Variants in GALNT18 observed in about 807,000 individuals in gnomAD.
GALNT18 encodes polypeptide N-acetylgalactosaminyltransferase 18, also known as GalNAc-transferase 18.
GALNT18 carries 44 observed loss-of-function variants against 69.5 expected under a neutral mutation model. The observed-to-expected ratio is 0.63, with a 90% confidence interval of 0.50 to 0.81. The LOEUF (loss-of-function observed/expected upper bound fraction) is 0.81. Ranked by LOEUF, GALNT18 falls within the 40% of genes least tolerant of loss-of-function variation. The pLI is 0.00. For missense variants in GALNT18, 715 were observed against 810.0 expected (o/e 0.88, Z 1.42); for synonymous variants, 364 against 318.2 (o/e 1.14, Z -1.53).
intron 1 of GALNT18, among the ~76,000 whole-genome samples, chr11:11,451,173 C>T (rs1249641325): frequency 6.6e-6 from 1 of 152,102 alleles, no homozygotes; most frequent in African/African-American, 2.4e-5. Flanking sequence ...CATTCTTCTC[C>T]CCTACTAGGC....
At chr11:11,610,569 G>T (rs887222339) in intron 1 of GALNT18, among the ~76,000 whole-genome samples, 1 of 151,764 alleles carries the variant, frequency 6.6e-6, no homozygotes, top group African/African-American at 2.4e-5. Flanking sequence ...TTGATTGATT[G>T]ATCTCTTCTA....
chr11:11,288,016 A>G (rs960972428), intron 10 of GALNT18, among the ~76,000 whole-genome samples: 18 of 152,168 alleles, frequency 1.2e-4, no homozygotes, highest in Admixed American at 9.2e-4. Context: ...TTCCCGGGAC[A>G]ATGAAACAGT....
chr11:11,570,940 G>A (rs961057357), intron 1 of GALNT18, among the ~76,000 whole-genome samples: 2 of 152,180 alleles, frequency 1.3e-5, no homozygotes, highest in African/African-American at 4.8e-5. Flanking sequence ...AAAGACATGA[G>A]GTATTAGTAA....
chr11:11,497,370 A>ACACACACACACACACACACC lies in GALNT18; in HGVS notation c.236-48435_236-48434insGGTGTGTGTGTGTGTGTGTG, dbSNP rs1388394076. On this transcript the variant is annotated intron_variant, in intron 1 of 10. Transcript: ENST00000227756. The surrounding 1 kb of genome is among the most constrained non-coding windows in gnomAD (Gnocchi z 4.2). ...CACACACACACACACACACACACAC[A>ACACACACACACACACACACC]CCCCTTAGAATGGGGCTCCTTAAGA... Among the ~76,000 whole-genome samples, 26 of 134,714 alleles carry ACACACACACACACACACACC rather than the reference A, an allele frequency of 1.9e-4. No homozygotes were observed. Among genetic ancestry groups the ACACACACACACACACACACC allele is most frequent in the Admixed American group, 3.8e-4 (5 of 13,280 alleles). 88.4% of individuals were successfully genotyped at this position (134,714 alleles called of 152,430 possible). A position where few individuals can be genotyped will look rare whatever the true frequency, so the allele number is the denominator to read the frequency against.
chr11:11,352,549 G>T, intron 6 of GALNT18: 3 of 1,614,046 alleles, frequency 1.9e-6, no homozygotes, highest in Non-Finnish European at 2.5e-6. Context: ...GAAGCAACTC[G>T]GACATTATAT....
chr11:11,552,622 A>G (rs2133971169), intron 1 of GALNT18, among the ~76,000 whole-genome samples: 1 of 152,314 alleles, frequency 6.6e-6, no homozygotes, highest in East Asian at 1.9e-4. Flanking sequence ...AAAGCATTTC[A>G]GGGTCAGCCT....
intron 1 of GALNT18, among the ~76,000 whole-genome samples, chr11:11,529,365 G>A (rs1417663901): frequency 6.6e-6 from 1 of 152,202 alleles, no homozygotes; most frequent in Non-Finnish European, 1.5e-5. Flanking sequence ...CTGTGAATGA[G>A]TGAACCCCTC....
intron 7 of GALNT18, among the ~76,000 whole-genome samples, chr11:11,334,030 T>A (rs7125431): frequency 0.2 from 29,898 of 151,160 alleles, 3,146 homozygotes; most frequent in Admixed American, 0.31. Flanking sequence ...CAGCCCAGAG[T>A]GGAGGGCAGA....
chr11:11,352,590 C>A, intron 6 of GALNT18: 3 of 1,614,174 alleles, frequency 1.9e-6, no homozygotes, highest in East Asian at 2.2e-5. Flanking sequence ...CTCAGCCAAA[C>A]CCCAGTCTAT....
chr11:11,352,877 T>G (rs750012977), intron 6 of GALNT18: 1 of 1,614,220 alleles, frequency 6.2e-7, no homozygotes, highest in Non-Finnish European at 8.5e-7. Context: ...AAATCTTTAT[T>G]TCACGCTTAA....
In GALNT18 at chr11:11,527,314, C is replaced by T. The variant is rs73407846; in HGVS notation, c.236-78378G>A. Among the ~76,000 whole-genome samples, 1,290 of 152,282 alleles carry T rather than the reference C, an allele frequency of 8.5e-3. 20 individuals are homozygous for T. Among genetic ancestry groups the T allele is most frequent in the African/African-American group, 0.029 (1,222 of 41,550 alleles). On this transcript the variant is annotated intron_variant, in intron 1 of 10. Transcript: ENST00000227756. ...CTAAGACACTTTTTTGATCAAATGT[C>T]CCCATGGTCTGCTGTTGGATTGGGG... is the stretch of plus-strand genomic sequence containing the variant.
Position 11,524,164 on chromosome 11 carries a change from T to C in GALNT18, c.236-75228A>G, listed in dbSNP as rs373258091. On this transcript the variant is annotated intron_variant, in intron 1 of 10. Coordinates refer to ENST00000227756, the MANE Select transcript of GALNT18 (RefSeq NM_198516.3). ...GCCTGTTCTGATCAGCCTCTCTTCC[T>C]ACCAAGACTCAAAAAGTAGGGAATT... Among the ~76,000 whole-genome samples the C allele has an allele frequency of 7.2e-5, 11 of 152,270 alleles. No homozygotes were observed. In the East Asian group the frequency reaches 1.5e-3, roughly 21 times the overall value.
At chr11:11,512,575 C>T (rs1237074331) in intron 1 of GALNT18, among the ~76,000 whole-genome samples, 1 of 152,176 alleles carries the variant, frequency 6.6e-6, no homozygotes, top group Non-Finnish European at 1.5e-5. Flanking sequence ...TCTTTCTGAG[C>T]CCAGTGCTGT....
chr11:11,442,069 C>T (rs113063871), intron 2 of GALNT18, among the ~76,000 whole-genome samples: 7 of 152,296 alleles, frequency 4.6e-5, no homozygotes, highest in African/African-American at 1.2e-4. Context: ...ACACAGTTCT[C>T]GCTGGGCTGG....
chr11:11,437,965 T>A (rs1190957803), intron 2 of GALNT18, among the ~76,000 whole-genome samples: 1 of 152,140 alleles, frequency 6.6e-6, no homozygotes, highest in African/African-American at 2.4e-5. Flanking sequence ...CTGGTCCTGC[T>A]TTCTCCCCAG....
chr11:11,297,732 C>G (rs562509482), intron 9 of GALNT18, among the ~76,000 whole-genome samples: 1 of 152,190 alleles, frequency 6.6e-6, no homozygotes, highest in Non-Finnish European at 1.5e-5. Flanking sequence ...TGCCTGTGGA[C>G]GTCTTACAAA....
intron 6 of GALNT18, among the ~76,000 whole-genome samples, chr11:11,361,514 TTATCTATCTTTC>T (rs11268127): frequency 0.5 from 75,635 of 151,768 alleles, 19,845 homozygotes; most frequent in African/African-American, 0.6. Context: ...GTCATAAAGT[TTATCTATCTTTC>T]TATCTATCTT....
chr11:11,437,875 T>C (rs889187102), intron 2 of GALNT18, among the ~76,000 whole-genome samples: 2 of 152,150 alleles, frequency 1.3e-5, no homozygotes, highest in African/African-American at 4.8e-5. Flanking sequence ...GCCAGGGTTC[T>C]GGGAGTGGAG....
intron 9 of GALNT18, among the ~76,000 whole-genome samples, chr11:11,302,389 A>C (rs974910095): frequency 2.6e-5 from 4 of 152,096 alleles, no homozygotes; most frequent in African/African-American, 9.7e-5. Flanking sequence ...CAGGGCTTGC[A>C]AACTCTCCTG....
Sources: allele counts gnomAD v4.1 joint callset (sites outside exome capture counted in the v4.1 genomes callset), GRCh38; gene constraint gnomAD v4.1.1; non-coding constraint Gnocchi (gnomAD v3.1); transcripts MANE v1.5; gene names NCBI Gene and HGNC (gene_info 2026-07-23, HGNC 2026-07-21).